GALNTL6: variants seen among roughly 807,000 people sequenced by gnomAD.
GALNTL6 encodes polypeptide N-acetylgalactosaminyltransferase-like 6.
A neutral mutation model predicts 73.7 loss-of-function variants in GALNTL6; 46 were observed. The observed-to-expected ratio is 0.62, with a 90% CI of 0.49 to 0.80. The LOEUF (loss-of-function observed/expected upper bound fraction) is 0.80. Ranked by LOEUF, GALNTL6 falls within the 30% of genes least tolerant of loss-of-function variation. The pLI is 0.00. For missense variants in GALNTL6, 604 were observed against 755.0 expected (o/e 0.80, Z 2.34); for synonymous variants, 259 against 263.7 (o/e 0.98, Z 0.17).
chr4:171,927,285 T>C (rs1006049255), intron 2 of GALNTL6, among the ~76,000 whole-genome samples: 2 of 152,272 alleles, frequency 1.3e-5, no homozygotes, highest in South Asian at 4.1e-4. Context: ...GTTGGTGCTT[T>C]ACTTTTCTTT....
chr4:172,596,446 C>CAA (rs58136953), intron 5 of GALNTL6, among the ~76,000 whole-genome samples: 3 of 69,832 alleles, frequency 4.3e-5, no homozygotes, highest in Non-Finnish European at 8.7e-5. Flanking sequence ...CATTGTCTCT[C>CAA]AAAAAAAAAA....
Position 173,039,984 on chromosome 4 carries a change from G to A in GALNTL6, c.1690G>A (p.Ala564Thr), listed in dbSNP as rs778283256. The part of the protein sequence containing the change: ...VSNSCMDCNP[A>T]EKKIFMARCD... ...CAACAGCTGCATGGATTGCAACCCC[G>A]CAGAGAAGAAGATTTTCATGGCCAG... The change falls in exon 13 of 13, where the codon GCA becomes ACA. Residue 564 changes from alanine (A) to threonine (T), a missense_variant. Ala to Thr is a moderately conservative substitution (Grantham distance 58). Transcript: ENST00000506823. 15 of 1,613,590 alleles carry A rather than the reference G, an allele frequency of 9.3e-6. No individual in the cohort carries two copies. In the Admixed American group the frequency reaches 1.0e-4, roughly 11 times the overall value.
intron 2 of GALNTL6, among the ~76,000 whole-genome samples, chr4:171,954,323 AC>A (rs1371912823): frequency 1.3e-5 from 2 of 152,336 alleles, no homozygotes; most frequent in Admixed American, 1.3e-4. Flanking sequence ...TTTCAAAAAA[AC>A]ATTTTTGTAG....
chr4:171,922,911 T>G (rs1168618988), intron 2 of GALNTL6, among the ~76,000 whole-genome samples: 1 of 152,138 alleles, frequency 6.6e-6, no homozygotes. Context: ...CATTCAATGT[T>G]TTATTATTGT....
At chr4:173,013,644 C>T (rs900537979) in intron 11 of GALNTL6, among the ~76,000 whole-genome samples, 4 of 148,924 alleles carry the variant, frequency 2.7e-5, no homozygotes, top group Non-Finnish European at 5.9e-5. Context: ...GAGGGCAGCA[C>T]TAGACAAGCA....
chr4:172,177,791 A>ATATAGATACACACACATATATGTGTGTG (rs1735074364), intron 2 of GALNTL6, among the ~76,000 whole-genome samples: 2 of 101,738 alleles, frequency 2.0e-5, no homozygotes, highest in African/African-American at 6.5e-5. Context: ...ACACATGTGT[A>ATATAGATACACACACATATATGTGTGTG]TATATATACA....
intron 8 of GALNTL6, among the ~76,000 whole-genome samples, chr4:172,899,559 T>C (rs549118580): frequency 6.6e-6 from 1 of 152,272 alleles, no homozygotes; most frequent in South Asian, 2.1e-4. Flanking sequence ...CTAATAACTA[T>C]AGAAATAGCA....
At chr4:172,782,040 A>G (rs1353448637) in intron 5 of GALNTL6, among the ~76,000 whole-genome samples, 2 of 152,060 alleles carry the variant, frequency 1.3e-5, no homozygotes, top group Non-Finnish European at 2.9e-5. Context: ...AATAGGTCTC[A>G]GCACCTAATA....
chr4:172,583,941 C>A (rs952397803), intron 5 of GALNTL6, among the ~76,000 whole-genome samples: 1 of 142,432 alleles, frequency 7.0e-6, no homozygotes. Context: ...GGCAGTAGAA[C>A]GCAATGTAAA....
intron 5 of GALNTL6, among the ~76,000 whole-genome samples, chr4:172,764,275 C>A (rs1738280314): frequency 6.6e-6 from 1 of 152,070 alleles, no homozygotes; most frequent in Non-Finnish European, 1.5e-5. Flanking sequence ...TTTTTTCTAA[C>A]AAATTGAGAG....
intron 5 of GALNTL6, among the ~76,000 whole-genome samples, chr4:172,435,106 G>C (rs567855948): frequency 9.3e-4 from 142 of 152,132 alleles, no homozygotes; most frequent in African/African-American, 3.2e-3. Context: ...CCCTGACATT[G>C]TTAAAATTTC....
intron 2 of GALNTL6, among the ~76,000 whole-genome samples, chr4:171,975,616 C>T (rs1739698340): frequency 6.6e-6 from 1 of 151,968 alleles, no homozygotes; most frequent in Admixed American, 6.6e-5. Context: ...GAAAGTCATA[C>T]TGGGTGGACA....
In GALNTL6 at chr4:172,813,551, C is replaced by G. The variant is rs889931057; in HGVS notation, c.751C>G (p.Leu251Val). Residue 251 changes from leucine (L) to valine (V), a missense_variant, in exon 7 of 13, where the codon CTA becomes GTA. Transcript: ENST00000506823. ...CTTTCATTTTTCAGACCAAATTGCA[C>G]TAAACCACAAAACCATCGTGTGTCC... is the stretch of plus-strand genomic sequence containing the variant. ...WLPPLLNQIA[L>V]NHKTIVCPMI... 1 of 1,600,678 alleles carries G rather than the reference C, an allele frequency of 6.2e-7. No homozygotes were observed. Among genetic ancestry groups the G allele is most frequent in the Admixed American group, 1.7e-5 (1 of 59,708 alleles).
intron 5 of GALNTL6, among the ~76,000 whole-genome samples, chr4:172,434,555 G>A (rs1731567165): frequency 6.6e-6 from 1 of 152,098 alleles, no homozygotes; most frequent in Non-Finnish European, 1.5e-5. Context: ...ACATAGACTT[G>A]CCTTTTTTGT....
At chr4:172,012,964 C>T (rs1741068173) in intron 2 of GALNTL6, among the ~76,000 whole-genome samples, 1 of 152,030 alleles carries the variant, frequency 6.6e-6, no homozygotes, top group African/African-American at 2.4e-5. Flanking sequence ...TCTCCTCACT[C>T]CAGTCCCTCA....
rs574613877 is a variant in GALNTL6 at position 171,830,362 on chromosome 4, T to C, written c.138+15644T>C. On this transcript the variant is annotated intron_variant, in intron 2 of 12. Transcript: ENST00000506823. ...AGCTCATACAATCAGGAATTGTCTA[T>C]CTTTTTTCCTCTTTTTACTTAGAGT... Among the ~76,000 whole-genome samples the C allele has an allele frequency of 2.6e-5, 4 of 152,304 alleles. No individual in the cohort carries two copies. The South Asian group carries it at 8.3e-4, about 32-fold the overall frequency.
intron 5 of GALNTL6, among the ~76,000 whole-genome samples, chr4:172,536,852 G>A (rs373999315): frequency 1.1e-4 from 17 of 152,180 alleles, no homozygotes; most frequent in African/African-American, 3.9e-4. Flanking sequence ...GGAGCCAAAT[G>A]CTAATCACCA....
chr4:171,953,608 G>A (rs1407132735), intron 2 of GALNTL6, among the ~76,000 whole-genome samples: 3 of 152,010 alleles, frequency 2.0e-5, no homozygotes, highest in Admixed American at 1.3e-4. Context: ...TCAATCTTTA[G>A]GAGAAATTCA....
intron 7 of GALNTL6, among the ~76,000 whole-genome samples, chr4:172,849,529 C>A (rs1743701111): frequency 1.3e-5 from 2 of 151,984 alleles, no homozygotes; most frequent in Non-Finnish European, 2.9e-5. Context: ...GATGAATGAG[C>A]AAATGAATGG....
Sources: allele counts gnomAD v4.1 joint callset (sites outside exome capture counted in the v4.1 genomes callset), GRCh38; gene constraint gnomAD v4.1.1; transcripts MANE v1.5; gene names NCBI Gene and HGNC (gene_info 2026-07-23, HGNC 2026-07-21).